Variants in ENOX1 observed in about 807,000 individuals in gnomAD.
ENOX1 encodes the protein ecto-NOX disulfide-thiol exchanger 1.
A neutral mutation model predicts 82.5 loss-of-function variants in ENOX1; 42 were observed. The observed-to-expected ratio is 0.51, with a 90% CI of 0.40 to 0.66. The LOEUF is 0.66. Ranked by LOEUF, ENOX1 falls within the 30% of genes least tolerant of loss-of-function variation. ENOX1 has a pLI of 0.00. For synonymous variants in ENOX1, 271 were observed against 282.2 expected (o/e 0.96, Z 0.40); for missense variants, 608 against 811.6 (o/e 0.75, Z 3.05).
chr13:43,284,057 T>C (rs1316469432), intron 12 of ENOX1, among the ~76,000 whole-genome samples: 1 of 152,170 alleles, frequency 6.6e-6, no homozygotes, highest in East Asian at 1.9e-4. Context: ...TTGACATCTG[T>C]TGAGATTTGC....
At chr13:43,381,868 C>T (rs1594242416) in intron 5 of ENOX1, among the ~76,000 whole-genome samples, 3 of 151,906 alleles carry the variant, frequency 2.0e-5, no homozygotes, top group South Asian at 4.1e-4. Context: ...TTTGTAGTTA[C>T]AATTATTCCC....
intron 3 of ENOX1, among the ~76,000 whole-genome samples, chr13:43,468,372 G>A (rs1334626840): frequency 6.6e-6 from 1 of 151,782 alleles, no homozygotes; most frequent in Non-Finnish European, 1.5e-5. Flanking sequence ...TAGTAGAGAT[G>A]GGGTTTCACC....
At chr13:43,616,792 T>C (rs1594117231) in intron 2 of ENOX1, among the ~76,000 whole-genome samples, 1 of 152,008 alleles carries the variant, frequency 6.6e-6, no homozygotes, top group Non-Finnish European at 1.5e-5. Context: ...ACTGCAGAGG[T>C]GGGGAGGTAC....
At chr13:43,581,125 C>CTTTTTTTTTTTTT (rs1174448355) in intron 2 of ENOX1, among the ~76,000 whole-genome samples, 6 of 77,102 alleles carry the variant, frequency 7.8e-5, no homozygotes, top group African/African-American at 2.6e-4. Context: ...CTACCTGATT[C>CTTTTTTTTTTTTT]TTTTTTTTTT....
chr13:43,326,390 G>A (rs756050389), intron 10 of ENOX1, 29 bp downstream of exon 10: 1 of 1,583,338 alleles, frequency 6.3e-7, no homozygotes, highest in Non-Finnish European at 8.7e-7. Context: ...GTGTGATGGT[G>A]GTTAAAAAGT....
chr13:43,229,026 G>C (rs2042153266), intron 15 of ENOX1, among the ~76,000 whole-genome samples: 1 of 152,164 alleles, frequency 6.6e-6, no homozygotes, highest in Non-Finnish European at 1.5e-5. Flanking sequence ...GACCCAGTGG[G>C]AGATAACTGA....
intron 1 of ENOX1, among the ~76,000 whole-genome samples, chr13:43,739,680 T>C (rs930058902): frequency 5.9e-5 from 9 of 151,966 alleles, no homozygotes. Context: ...GTGATGAGGT[T>C]GTATTTTATT....
chr13:43,754,216 T>C (rs1036224432), intron 1 of ENOX1, among the ~76,000 whole-genome samples: 2 of 148,600 alleles, frequency 1.3e-5, no homozygotes, highest in African/African-American at 4.9e-5. Context: ...TATATATGTG[T>C]GTACATACAT....
chr13:43,343,871 C>T (rs184867730), intron 9 of ENOX1, among the ~76,000 whole-genome samples: 25 of 152,114 alleles, frequency 1.6e-4, no homozygotes, highest in East Asian at 5.8e-4. Flanking sequence ...AAAAAATATA[C>T]GCCCTTTTTT....
At chr13:43,417,736 G>A (rs2054713489) in intron 3 of ENOX1, among the ~76,000 whole-genome samples, 1 of 152,102 alleles carries the variant, frequency 6.6e-6, no homozygotes. Flanking sequence ...ATTTTATTTG[G>A]AAATGTAGTG....
rs1566307651 is a variant in ENOX1, at chr13:43,470,365, C to CACATATATATGTATATATAT, written c.-75+13643_-75+13644insATATATATACATATATATGT. ...ACGTATATATATATGTATATATATA[C>CACATATATATGTATATATAT]GTATATATATACATATATATACGTA... On this transcript the variant is annotated intron_variant, in intron 3 of 16. Transcript: ENST00000690772. Among the ~76,000 whole-genome samples, 221 of 27,334 alleles carry CACATATATATGTATATATAT rather than the reference C, an allele frequency of 8.1e-3. 25 individuals carry two copies. Among genetic ancestry groups the CACATATATATGTATATATAT allele is most frequent in the Middle Eastern group, 0.023 (1 of 44 alleles). The allele number at this position is 27,334 out of a possible 152,430, so 17.9% of individuals were successfully genotyped here. A position where few individuals can be genotyped will look rare whatever the true frequency, so the allele number is the denominator to read the frequency against.
intron 2 of ENOX1, among the ~76,000 whole-genome samples, chr13:43,560,714 T>C (rs1225691059): frequency 6.6e-6 from 1 of 152,182 alleles, no homozygotes; most frequent in Non-Finnish European, 1.5e-5. Flanking sequence ...GACAGTCTTC[T>C]AGAAAATAAG....
intron 12 of ENOX1, among the ~76,000 whole-genome samples, chr13:43,272,112 ATACTT>A (rs1461325231): frequency 6.6e-6 from 1 of 152,086 alleles, no homozygotes; most frequent in Non-Finnish European, 1.5e-5. Context: ...ATTTTTTATT[ATACTT>A]TAAGTTCTGG....
chr13:43,471,370 G>A (rs959894396), intron 3 of ENOX1, among the ~76,000 whole-genome samples: 4 of 151,946 alleles, frequency 2.6e-5, no homozygotes, highest in Non-Finnish European at 5.9e-5. Flanking sequence ...AGAACTCACG[G>A]AAATTCACTC....
rs541467345 is a variant in ENOX1 at position 43,274,033 on chromosome 13, C to T, written c.1447-4456G>A. Among the ~76,000 whole-genome samples, 4 of 152,190 alleles carry T rather than the reference C, an allele frequency of 2.6e-5. No individual in the cohort carries two copies. In the South Asian group the frequency reaches 6.2e-4, roughly 24 times the overall value. ...AACAATAAAAAACCCACCAAAACAA[C>T]AAAAACAAAAACAACCCCCCAAAAC... On this transcript the variant is annotated intron_variant, in intron 12 of 16. Coordinates refer to ENST00000690772, the MANE Select transcript of ENOX1 (RefSeq NM_001347969.2).
At chr13:43,348,011 C>T (rs2049504000) in intron 8 of ENOX1, among the ~76,000 whole-genome samples, 1 of 152,194 alleles carries the variant, frequency 6.6e-6, no homozygotes, top group South Asian at 2.1e-4. Context: ...TTGCCTTTTT[C>T]CCTTCCATCC....
chr13:43,553,053 G>A (rs1282391610), intron 2 of ENOX1, among the ~76,000 whole-genome samples: 1 of 152,096 alleles, frequency 6.6e-6, no homozygotes, highest in African/African-American at 2.4e-5. Flanking sequence ...GGAAATATGG[G>A]GAGTGGAGAT....
chr13:43,707,082 T>C (rs541221257), intron 1 of ENOX1, among the ~76,000 whole-genome samples: 55 of 152,100 alleles, frequency 3.6e-4, no homozygotes, highest in African/African-American at 1.3e-3. Context: ...TGACAGAAAG[T>C]GAATATATGA....
chr13:43,595,903 C>A (rs9533540), intron 2 of ENOX1, among the ~76,000 whole-genome samples: 7,699 of 152,054 alleles, frequency 0.051, 628 homozygotes, highest in East Asian at 0.34. Flanking sequence ...CTTACACAGA[C>A]CATTTTAAAT....
Sources: allele counts gnomAD v4.1 joint callset (sites outside exome capture counted in the v4.1 genomes callset), GRCh38; gene constraint gnomAD v4.1.1; transcripts MANE v1.5; gene names NCBI Gene and HGNC (gene_info 2026-07-23, HGNC 2026-07-21).